Variants in AP4E1 observed in about 807,000 individuals in gnomAD.
The protein encoded by AP4E1 is adaptor related protein complex 4 subunit epsilon 1, also known as AP-4 complex subunit epsilon-1.
Under a neutral mutation model 128.2 loss-of-function variants are expected in AP4E1, and 56 were observed. The ratio of observed to expected loss-of-function variants is 0.44; its 90% CI spans 0.35 to 0.55. The LOEUF is 0.55. Ranked by LOEUF, AP4E1 falls within the 20% of genes least tolerant of loss-of-function variation. The probability of loss-of-function intolerance (pLI) is 0.00; values close to 1 mark genes in which losing one functional copy is unlikely to be tolerated. For missense variants in AP4E1, 1,324 were observed against 1,307.7 expected (o/e 1.01, Z -0.19); for synonymous variants, 484 against 473.1 (o/e 1.02, Z -0.30).
intron 10 of AP4E1, among the ~76,000 whole-genome samples, chr15:50,947,061 A>T (rs145604249): frequency 7.2e-5 from 11 of 152,054 alleles, no homozygotes; most frequent in African/African-American, 1.9e-4. Flanking sequence ...CTGCCACTGC[A>T]CTCTAGCCTG....
At chr15:50,939,252 C>T (rs142971832) in intron 8 of AP4E1, among the ~76,000 whole-genome samples, 1 of 151,892 alleles carries the variant, frequency 6.6e-6, no homozygotes, top group Non-Finnish European at 1.5e-5. Flanking sequence ...TTGGGCAGAT[C>T]ACTTGAGGTT....
At chr15:50,958,934 T>C in intron 14 of AP4E1, 140 bp downstream of exon 14, 1 of 923,176 alleles carries the variant, frequency 1.1e-6, no homozygotes, top group Non-Finnish European at 1.7e-6. Context: ...CTTTTCACAT[T>C]AGTATGACAG....
intron 3 of AP4E1, among the ~76,000 whole-genome samples, chr15:50,923,687 T>G (rs1286251272): frequency 6.6e-6 from 1 of 152,232 alleles, no homozygotes; most frequent in Admixed American, 6.5e-5. Flanking sequence ...GATTTTAAGT[T>G]GATACACATA....
chr15:50,997,569 G>A lies in AP4E1; in HGVS notation c.2590G>A (p.Val864Ile), dbSNP rs769327779. Residue 864 changes from valine (V) to isoleucine (I), a missense_variant, in exon 18 of 21, where the codon GTT becomes ATT. Val to Ile is a conservative substitution (Grantham distance 29). Transcript: ENST00000261842. ...DSESLTELPL[V>I]EKFSYCSLST... Reference sequence around the variant, plus strand: ...TGAGTCACTCACAGAACTGCCCTTGGTTGAGAAATTCTCATATTGTAGTCT... The same window carrying A: ...TGAGTCACTCACAGAACTGCCCTTGATTGAGAAATTCTCATATTGTAGTCT... 1 of 1,614,024 alleles carries A rather than the reference G, an allele frequency of 6.2e-7. No homozygotes were observed. Among genetic ancestry groups the A allele is most frequent in the Non-Finnish European group, 8.5e-7 (1 of 1,179,966 alleles).
At chr15:50,974,413 C>T (rs1300674708) in intron 15 of AP4E1, among the ~76,000 whole-genome samples, 1 of 151,864 alleles carries the variant, frequency 6.6e-6, no homozygotes, top group Non-Finnish European at 1.5e-5. Context: ...ATTCCAGGTG[C>T]ATGCCATCAT....
intron 2 of AP4E1, among the ~76,000 whole-genome samples, chr15:50,915,127 A>G (rs979076226): frequency 6.6e-6 from 1 of 152,296 alleles, no homozygotes; most frequent in African/African-American, 2.4e-5. Flanking sequence ...CCATGATGAA[A>G]TCTTGTGTGA....
intron 10 of AP4E1, among the ~76,000 whole-genome samples, chr15:50,944,099 A>C (rs2064023712): frequency 6.6e-6 from 1 of 152,220 alleles, no homozygotes; most frequent in Non-Finnish European, 1.5e-5. Context: ...TTGGTCCCTT[A>C]CCTGCAGCGA....
chr15:50,972,481 G>A (rs1246426508), intron 15 of AP4E1, among the ~76,000 whole-genome samples: 1 of 152,104 alleles, frequency 6.6e-6, no homozygotes, highest in Non-Finnish European at 1.5e-5. Flanking sequence ...CAAAGTGCTG[G>A]GATTACAAGT....
intron 10 of AP4E1, chr15:50,945,789 A>G: frequency 3.9e-6 from 3 of 761,584 alleles, no homozygotes; most frequent in Middle Eastern, 4.8e-4. Flanking sequence ...ATAACTAGAA[A>G]TTGAAGGAGA....
At chr15:50,963,942 T>C (rs2064352920) in intron 14 of AP4E1, among the ~76,000 whole-genome samples, 1 of 152,218 alleles carries the variant, frequency 6.6e-6, no homozygotes, top group Non-Finnish European at 1.5e-5. Flanking sequence ...GACACTCTTA[T>C]TCCTATTTAG....
At chr15:50,919,732 G>A (rs2063673209) in intron 3 of AP4E1, among the ~76,000 whole-genome samples, 1 of 151,760 alleles carries the variant, frequency 6.6e-6, no homozygotes. Flanking sequence ...GTATCTGCAG[G>A]CATCAGATGT....
chr15:50,925,488 G>A (rs1053647884), intron 5 of AP4E1, among the ~76,000 whole-genome samples: 1 of 152,144 alleles, frequency 6.6e-6, no homozygotes, highest in Non-Finnish European at 1.5e-5. Context: ...ATGAGCAGTG[G>A]TCTTGTTTTT....
intron 13 of AP4E1, among the ~76,000 whole-genome samples, chr15:50,956,993 CTG>C (rs1165757901): frequency 6.6e-6 from 1 of 152,116 alleles, no homozygotes; most frequent in East Asian, 1.9e-4. Flanking sequence ...GAGCAAAACT[CTG>C]TATGGGCCCC....
At chr15:50,977,706 GTTTTTT>G (rs1401774266) in intron 15 of AP4E1, among the ~76,000 whole-genome samples, 2 of 80,296 alleles carry the variant, frequency 2.5e-5, no homozygotes, top group African/African-American at 4.7e-5. Context: ...ATCTGTTATG[GTTTTTT>G]TTTTTTTTTT....
intron 16 of AP4E1, among the ~76,000 whole-genome samples, chr15:50,991,091 A>T (rs971682400): frequency 6.6e-6 from 1 of 152,178 alleles, no homozygotes; most frequent in African/African-American, 2.4e-5. Context: ...TTATACTTCC[A>T]TTCATCCATC....
At chr15:50,983,976 T>G (rs761770392) in intron 15 of AP4E1, 46 bp from the exon 16 acceptor site, 1 of 1,593,456 alleles carries the variant, frequency 6.3e-7, no homozygotes, top group Non-Finnish European at 8.6e-7. Context: ...GACAGTTTTT[T>G]GCTTTGTTTT....
At position 50,919,289 on chromosome 15, in the gene AP4E1, T is replaced by C. The variant is rs1004657880; in HGVS notation, c.346+3718T>C. Among the ~76,000 whole-genome samples the C allele has an allele frequency of 2.6e-5, 4 of 151,092 alleles. No individual in the cohort carries two copies. The East Asian group carries it at 7.9e-4, about 30-fold the overall frequency. On this transcript the variant is annotated intron_variant, in intron 3 of 20. Transcript: ENST00000261842. The stretch of plus-strand genomic sequence containing the variant: ...GGCTCACACCTGTAATCCCAGCACT[T>C]TGGGAGGCTGAGGTGGGCAGATCAC...
At chr15:50,912,392 A>G (rs1381258482) in intron 2 of AP4E1, among the ~76,000 whole-genome samples, 1 of 152,148 alleles carries the variant, frequency 6.6e-6, no homozygotes, top group African/African-American at 2.4e-5. Context: ...ATGTGGAGAT[A>G]CTCTTGGGAC....
At chr15:50,919,260 C>T (rs527344206) in intron 3 of AP4E1, among the ~76,000 whole-genome samples, 154 of 142,976 alleles carry the variant, frequency 1.1e-3, no homozygotes, top group Middle Eastern at 9.5e-3. Flanking sequence ...TGGCCAGGCA[C>T]GGTGGCTCAC....
Sources: gnomAD v4.1 joint callset for allele counts (sites outside exome capture counted in the v4.1 genomes callset) on GRCh38, gnomAD v4.1.1 for gene constraint, MANE v1.5 for transcripts, NCBI Gene and HGNC (gene_info 2026-07-23, HGNC 2026-07-21) for gene names.